The following KAT14 variants were observed in gnomAD, a reference collection of about 807,000 sequenced individuals.
KAT14 encodes lysine acetyltransferase 14, also known as cysteine-rich protein 2-binding protein.
A neutral mutation model predicts 78.4 loss-of-function variants in KAT14; 66 were observed. That is an observed-to-expected ratio of 0.84 (90% CI 0.69 to 1.03). The LOEUF (loss-of-function observed/expected upper bound fraction) is 1.03. Ranked by LOEUF, KAT14 falls within the 50% of genes least tolerant of loss-of-function variation. The pLI, the probability that KAT14 is intolerant of heterozygous loss-of-function variation, is 0.00. For missense variants in KAT14, 870 were observed against 972.5 expected (o/e 0.89, Z 1.40); for synonymous variants, 344 against 359.4 (o/e 0.96, Z 0.48).
chr20:18,161,709 A>G (rs887022349), intron 5 of KAT14, 114 bp from the exon 6 acceptor site: 1 of 1,403,976 alleles, frequency 7.1e-7, no homozygotes, highest in African/African-American at 1.4e-5. Flanking sequence ...ATACTCAGCC[A>G]ATAAGTAAAA....
chr20:18,149,834 C>A (rs2037970585), intron 3 of KAT14, among the ~76,000 whole-genome samples: 1 of 152,014 alleles, frequency 6.6e-6, no homozygotes, highest in African/African-American at 2.4e-5. Context: ...TCTGAGATCC[C>A]AGCTACTTGG....
intron 7 of KAT14, among the ~76,000 whole-genome samples, chr20:18,168,985 G>T (rs1269314051): frequency 6.6e-6 from 1 of 151,660 alleles, no homozygotes. Context: ...AGTCTGTTTT[G>T]TTCTTTTTTT....
chr20:18,141,049 T>TTTTTTTG (rs2037549896), intron 1 of KAT14, among the ~76,000 whole-genome samples: 1 of 120,956 alleles, frequency 8.3e-6, no homozygotes, highest in Non-Finnish European at 1.7e-5. Flanking sequence ...TTTTTTTTAT[T>TTTTTTTG]TTTATTTTTG....
chr20:18,164,914 G>A (rs1392062146), intron 7 of KAT14, among the ~76,000 whole-genome samples: 1 of 151,992 alleles, frequency 6.6e-6, no homozygotes, highest in Non-Finnish European at 1.5e-5. Context: ...GAGCCATTGC[G>A]CCTGGCCAAT....
intron 4 of KAT14, 103 bp downstream of exon 4, chr20:18,151,045 A>G: frequency 1.4e-6 from 2 of 1,461,052 alleles, no homozygotes; most frequent in South Asian, 1.4e-5. Context: ...ATTTATTTTA[A>G]TTTTTTTGAG....
intron 7 of KAT14, among the ~76,000 whole-genome samples, chr20:18,179,712 C>G (rs773009189): frequency 1.3e-5 from 2 of 152,278 alleles, no homozygotes; most frequent in Non-Finnish European, 2.9e-5. Context: ...ACATTCGGCT[C>G]CTTGTTACTT....
At chr20:18,153,825 G>GACTTAC (rs1166606589) in intron 4 of KAT14, among the ~76,000 whole-genome samples, 1 of 152,042 alleles carries the variant, frequency 6.6e-6, no homozygotes, top group Admixed American at 6.5e-5. Context: ...ACATCACCAT[G>GACTTAC]GTAAGTGGGA....
At chr20:18,160,520 G>T (rs979314589) in intron 5 of KAT14, among the ~76,000 whole-genome samples, 5 of 152,140 alleles carry the variant, frequency 3.3e-5, no homozygotes, top group African/African-American at 9.7e-5. Flanking sequence ...ATATAATTAT[G>T]TGATAATTTG....
At chr20:18,175,274 G>T (rs939783070) in intron 7 of KAT14, among the ~76,000 whole-genome samples, 1 of 152,028 alleles carries the variant, frequency 6.6e-6, no homozygotes, top group Non-Finnish European at 1.5e-5. Context: ...GATGCTCAGG[G>T]GCTGCCCAGA....
At position 18,162,051 on chromosome 20, in the gene KAT14, A is replaced by T; in HGVS notation, c.911A>T (p.Glu304Val). The change falls in exon 6 of 11, where the codon GAA (glutamate) becomes GTA (valine). Residue 304 changes from glutamate to valine, a missense_variant. Coordinates refer to ENST00000688188, the MANE Select transcript of KAT14 (RefSeq NM_001392073.1). ...SRGRRPDVIL[E>V]KGEVIDFSSL... ...GGCCGCAGGCCAGATGTGATTCTGG[A>T]AAAAGGCGAAGTGATTGACTTTTCC... The T allele has an allele frequency of 6.2e-7, 1 of 1,614,230 alleles. No individual in the cohort carries two copies. The highest frequency in any genetic ancestry group is 8.5e-7 in the Non-Finnish European group (1 of 1,180,040).
chr20:18,161,761 A>G (rs758314833), intron 5 of KAT14, 62 bp from the exon 6 acceptor site: 174 of 1,544,170 alleles, frequency 1.1e-4, no homozygotes, highest in Non-Finnish European at 1.5e-4. Context: ...AATCCAAAAC[A>G]TGCTTGTGCC....
chr20:18,184,624 GC>G lies in KAT14; in HGVS notation c.2005del (p.Gln669SerfsTer25), dbSNP rs1429676036. ...TAGGCATTGACCTGTCTGAGTGTCT[GC>G]AGTACCCAGACTTCAGTGTTGTTGT... ...WPGIDLSECL[Q>X]YPDFSVVVLY... On this transcript the variant is annotated frameshift_variant, in exon 10 of 11. Coordinates refer to ENST00000688188, the MANE Select transcript of KAT14 (RefSeq NM_001392073.1). LOFTEE classifies it high-confidence loss of function. The G allele has an allele frequency of 2.5e-6, 4 of 1,612,820 alleles. No individual in the cohort carries two copies. The African/African-American group carries it at 5.4e-5, about 22-fold the overall frequency.
In KAT14 at chr20:18,161,010, A is replaced by T. The variant is rs550062450; in HGVS notation, c.683-813A>T. Among the ~76,000 whole-genome samples, 70 of 152,094 alleles carry T rather than the reference A, an allele frequency of 4.6e-4. 1 individual carries two copies. Among genetic ancestry groups the T allele is most frequent in the Non-Finnish European group, 5.1e-4 (35 of 67,988 alleles). ...GCCAACATGATGAAACCCCATCTGT[A>T]CAAAAATACAAAAATCAGCCGGGCG... On this transcript the variant is annotated intron_variant, in intron 5 of 10. Coordinates refer to ENST00000688188, the MANE Select transcript of KAT14 (RefSeq NM_001392073.1).
Position 18,159,163 on chromosome 20 carries a change from C to T in KAT14, c.580C>T (p.Gln194Ter). ...TCCCATGTACTTCCGTTCAGGTGCT[C>T]AGGAATTTGGAGAGCCAGGATGGTG... ...GSPMYFRSGA[Q>*]EFGEPGWWKL... The change falls in exon 5 of 11, where the codon CAG (glutamine) becomes TAG (stop). Residue 194 changes from glutamine to a stop codon, truncating the protein, a stop_gained. Coordinates refer to ENST00000688188, the MANE Select transcript of KAT14 (RefSeq NM_001392073.1). LOFTEE classifies it high-confidence loss of function. 1.2e-6 allele frequency: 2 copies of T among 1,614,086 alleles called. No individual in the cohort carries two copies. The highest frequency in any genetic ancestry group is 1.7e-4 in the Middle Eastern group (1 of 6,050).
intron 5 of KAT14, among the ~76,000 whole-genome samples, chr20:18,159,562 A>T (rs558826821): frequency 2.6e-5 from 4 of 152,368 alleles, no homozygotes; most frequent in African/African-American, 7.2e-5. Context: ...GAGATATTTT[A>T]AAATTCCCGT....
intron 2 of KAT14, 147 bp from the exon 3 acceptor site, chr20:18,145,086 C>G: frequency 2.8e-6 from 4 of 1,413,652 alleles, no homozygotes; most frequent in Non-Finnish European, 3.7e-6. Flanking sequence ...TTCTAATTCC[C>G]TTCCTTTTCC....
intron 7 of KAT14, among the ~76,000 whole-genome samples, chr20:18,175,891 A>C (rs1390097157): frequency 1.3e-5 from 2 of 151,132 alleles, no homozygotes; most frequent in Non-Finnish European, 3.0e-5. Context: ...GTGTGGTGAC[A>C]TGTGCTACTT....
chr20:18,184,201 C>T (rs76673895), intron 9 of KAT14, among the ~76,000 whole-genome samples: 1,757 of 152,224 alleles, frequency 0.012, 44 homozygotes, highest in African/African-American at 0.04. Flanking sequence ...TGATAGAACA[C>T]GCTCGGAGGA....
At chr20:18,185,640 A>G (rs1327608363) in intron 10 of KAT14, among the ~76,000 whole-genome samples, 2 of 152,314 alleles carry the variant, frequency 1.3e-5, no homozygotes, top group East Asian at 1.9e-4. Context: ...AAAATACACC[A>G]TATATCACCA....
Sources: gnomAD v4.1 joint callset for allele counts (sites outside exome capture counted in the v4.1 genomes callset) on GRCh38, gnomAD v4.1.1 for gene constraint, MANE v1.5 for transcripts, NCBI Gene and HGNC (gene_info 2026-07-23, HGNC 2026-07-21) for gene names.